Variants in PACRG observed in about 807,000 individuals in gnomAD.
PACRG encodes parkin coregulated.
In PACRG, 29 loss-of-function variants were observed where a neutral mutation model predicts 29.7. That is an observed-to-expected ratio of 0.98 (90% CI 0.73 to 1.33). The LOEUF is 1.33. Among genes scored for constraint, PACRG ranks in the 40% most tolerant of loss-of-function variants. The pLI is 0.00. For synonymous variants in PACRG, 116 were observed against 118.7 expected (o/e 0.98, Z 0.15); for missense variants, 279 against 316.2 (o/e 0.88, Z 0.89).
At chr6:163,217,744 A>G (rs1353186694) in intron 4 of PACRG, among the ~76,000 whole-genome samples, 1 of 152,016 alleles carries the variant, frequency 6.6e-6, no homozygotes, top group Non-Finnish European at 1.5e-5. Context: ...CTGTGTTGTG[A>G]ACTGTGCATC....
chr6:162,887,634 A>G (rs9458664), intron 2 of PACRG, among the ~76,000 whole-genome samples: 41,442 of 152,136 alleles, frequency 0.27, 5,935 homozygotes, highest in Middle Eastern at 0.34. Context: ...ATGCAATATG[A>G]AGTCTTAAGA....
intron 2 of PACRG, among the ~76,000 whole-genome samples, chr6:162,958,064 A>T (rs1430511009): frequency 2.6e-5 from 4 of 152,184 alleles, no homozygotes; most frequent in Admixed American, 2.6e-4. Context: ...GAATAATAAG[A>T]TGTTTGACTA....
chr6:163,159,270 TATA>T (rs1480769442), intron 4 of PACRG, among the ~76,000 whole-genome samples: 1 of 148,902 alleles, frequency 6.7e-6, no homozygotes, highest in Non-Finnish European at 1.5e-5. Flanking sequence ...TGTTATTTAT[TATA>T]ATATTAATCT....
intron 4 of PACRG, among the ~76,000 whole-genome samples, chr6:163,272,181 G>T (rs1783855600): frequency 6.6e-6 from 1 of 151,994 alleles, no homozygotes; most frequent in East Asian, 1.9e-4. Flanking sequence ...TGGGACTACA[G>T]GCATGCGCCA....
intron 4 of PACRG, among the ~76,000 whole-genome samples, chr6:163,259,593 C>T (rs1304018864): frequency 6.6e-6 from 1 of 152,196 alleles, no homozygotes; most frequent in Non-Finnish European, 1.5e-5. Flanking sequence ...GTCATTTGGG[C>T]ATCACTTCAG....
chr6:162,838,255 G>A (rs1463657279), intron 2 of PACRG, among the ~76,000 whole-genome samples: 4 of 152,198 alleles, frequency 2.6e-5, no homozygotes, highest in Non-Finnish European at 5.9e-5. Flanking sequence ...TGTCAGTCCA[G>A]TGGGTCATGG....
At chr6:163,269,669 T>C (rs564706981) in intron 4 of PACRG, among the ~76,000 whole-genome samples, 1 of 151,860 alleles carries the variant, frequency 6.6e-6, no homozygotes, top group South Asian at 2.1e-4. Flanking sequence ...TGGGAGGCTT[T>C]TATGGATCTT....
At chr6:162,986,448 C>A (rs1802898009) in intron 2 of PACRG, among the ~76,000 whole-genome samples, 1 of 152,056 alleles carries the variant, frequency 6.6e-6, no homozygotes, top group Non-Finnish European at 1.5e-5. Flanking sequence ...CAAACAAAAA[C>A]ATAAAGTGGG....
intron 2 of PACRG, among the ~76,000 whole-genome samples, chr6:162,825,143 A>G (rs368907656): frequency 1.3e-5 from 2 of 152,204 alleles, no homozygotes; most frequent in Middle Eastern, 3.2e-3. Context: ...CCACATACCT[A>G]TGTATCTACA....
chr6:162,728,973 A>G (rs2128245432), intron 1 of PACRG, among the ~76,000 whole-genome samples: 1 of 152,328 alleles, frequency 6.6e-6, no homozygotes, highest in Admixed American at 6.5e-5. Context: ...AGGCCTTTTA[A>G]GATGATGTGC....
chr6:163,193,837 A>C (rs189110525), intron 4 of PACRG, among the ~76,000 whole-genome samples: 65 of 151,844 alleles, frequency 4.3e-4, no homozygotes, highest in African/African-American at 1.5e-3. Flanking sequence ...AAAACATAGA[A>C]TCAGAGACTT....
At chr6:162,898,194 C>T (rs1014721964) in intron 2 of PACRG, among the ~76,000 whole-genome samples, 4 of 152,154 alleles carry the variant, frequency 2.6e-5, no homozygotes, top group Non-Finnish European at 5.9e-5. Context: ...GCCGCGAGCA[C>T]AGTGTGGAGC....
chr6:162,917,640 A>G (rs1171211584), intron 2 of PACRG, among the ~76,000 whole-genome samples: 1 of 152,090 alleles, frequency 6.6e-6, no homozygotes, highest in Non-Finnish European at 1.5e-5. Context: ...ATGTACATCT[A>G]TCTTCTTTAG....
At chr6:163,070,221 G>A (rs2128277961) in intron 3 of PACRG, among the ~76,000 whole-genome samples, 1 of 152,144 alleles carries the variant, frequency 6.6e-6, no homozygotes, top group South Asian at 2.1e-4. Context: ...TCATCTGAAG[G>A]AACAGAACTC....
At chr6:163,114,018 G>A (rs1466549516) in intron 4 of PACRG, among the ~76,000 whole-genome samples, 1 of 152,208 alleles carries the variant, frequency 6.6e-6, no homozygotes, top group Non-Finnish European at 1.5e-5. Context: ...GGGAGGCCGA[G>A]GTGGGCAGAT....
intron 4 of PACRG, among the ~76,000 whole-genome samples, chr6:163,124,349 T>C (rs1271976687): frequency 6.6e-6 from 1 of 151,948 alleles, no homozygotes; most frequent in Non-Finnish European, 1.5e-5. Flanking sequence ...GACCAGGACT[T>C]GCTAAGTTTT....
chr6:163,290,294 A>G (rs895316018), intron 4 of PACRG, among the ~76,000 whole-genome samples: 1,991 of 113,074 alleles, frequency 0.018, 44 homozygotes, highest in African/African-American at 0.051. Context: ...ACACACACAC[A>G]CACACACACA....
chr6:163,289,359 A>G (rs13202719), intron 4 of PACRG, among the ~76,000 whole-genome samples: 33,728 of 152,110 alleles, frequency 0.22, 4,203 homozygotes, highest in Middle Eastern at 0.32. Flanking sequence ...CTATTTCCAA[A>G]TCAATTCACT....
chr6:162,962,044 AGT>A (rs1394772503), intron 2 of PACRG, among the ~76,000 whole-genome samples: 1 of 151,844 alleles, frequency 6.6e-6, no homozygotes, highest in East Asian at 1.9e-4. Flanking sequence ...TTTTTTCTCT[AGT>A]GTGTGTGATG....
Sources: gnomAD v4.1 joint callset for allele counts (sites outside exome capture counted in the v4.1 genomes callset) on GRCh38, gnomAD v4.1.1 for gene constraint, MANE v1.5 for transcripts, NCBI Gene and HGNC (gene_info 2026-07-23, HGNC 2026-07-21) for gene names.